The following ZBTB46 variants were observed in gnomAD, a reference collection of about 807,000 sequenced individuals.
ZBTB46 encodes the protein zinc finger and BTB domain containing 46.
In ZBTB46, 8 loss-of-function variants were observed where a neutral mutation model predicts 44.1. The ratio of observed to expected loss-of-function variants is 0.18; its 90% confidence interval spans 0.11 to 0.33. ZBTB46 has a LOEUF of 0.33. ZBTB46 is among the 10% of genes least tolerant of loss of function. The pLI is 1.00. For synonymous variants in ZBTB46, 409 were observed against 382.3 expected (o/e 1.07, Z -0.81); for missense variants, 651 against 847.7 (o/e 0.77, Z 2.88).
At chr20:63,812,405 A>C (rs991109417) in intron 1 of ZBTB46, among the ~76,000 whole-genome samples, 1 of 152,128 alleles carries the variant, frequency 6.6e-6, no homozygotes, top group Non-Finnish European at 1.5e-5. Flanking sequence ...GCACTTTGGG[A>C]GGCGGAGGCG....
chr20:63,752,978 A>C lies in ZBTB46; in HGVS notation c.1223-117T>G. The C allele has an allele frequency of 8.7e-7, 1 of 1,152,962 alleles. No individual in the cohort carries two copies. The highest frequency in any genetic ancestry group is 1.2e-6 in the Non-Finnish European group (1 of 835,860). 71.4% of individuals were successfully genotyped at this position (1,152,962 alleles called of 1,614,324 possible). Reference sequence around the variant, plus strand: ...CCAGGACGGGCTGTCTCCCACGGCCACCCACTGGGGGCTGGTCAGCACTGC... The same window carrying C: ...CCAGGACGGGCTGTCTCCCACGGCCCCCCACTGGGGGCTGGTCAGCACTGC... On this transcript the variant is annotated intron_variant, in intron 3 of 4. Coordinates refer to ENST00000245663, the MANE Select transcript of ZBTB46 (RefSeq NM_001369741.1). This position sits in a 1 kb window ranked among gnomAD's most constrained non-coding sequence, Gnocchi z 5.6.
At chr20:63,812,959 G>A (rs1365399947) in intron 1 of ZBTB46, among the ~76,000 whole-genome samples, 3 of 152,140 alleles carry the variant, frequency 2.0e-5, no homozygotes, top group Admixed American at 6.5e-5. Context: ...TTAGCTGGGT[G>A]TGATGGCGCG....
intron 1 of ZBTB46, among the ~76,000 whole-genome samples, chr20:63,809,793 C>A (rs1441539684): frequency 6.6e-6 from 1 of 151,938 alleles, no homozygotes; most frequent in Non-Finnish European, 1.5e-5. Flanking sequence ...GAGACCCCAT[C>A]TCTACAAAAA....
At chr20:63,828,728 G>C (rs2092832698) in intron 1 of ZBTB46, among the ~76,000 whole-genome samples, 1 of 152,262 alleles carries the variant, frequency 6.6e-6, no homozygotes, top group Non-Finnish European at 1.5e-5. Context: ...AGGACTTCTA[G>C]ACCTTTCCTC....
chr20:63,764,179 G>A (rs2092299678), intron 3 of ZBTB46, among the ~76,000 whole-genome samples: 1 of 152,134 alleles, frequency 6.6e-6, no homozygotes, highest in African/African-American at 2.4e-5. Flanking sequence ...GCTCATGCCT[G>A]TGATCCCAGC....
intron 3 of ZBTB46, among the ~76,000 whole-genome samples, chr20:63,772,722 A>AACACACAC (rs67126549): frequency 0.024 from 488 of 20,232 alleles, 2 homozygotes; most frequent in Non-Finnish European, 0.032. Context: ...CTGTCTCAAA[A>AACACACAC]ACACACACAC....
At position 63,752,723 on chromosome 20, in the gene ZBTB46, T is replaced by G; in HGVS notation, c.1361A>C (p.Lys454Thr). The G allele has an allele frequency of 1.9e-6, 3 of 1,606,796 alleles. No homozygotes were observed. The highest frequency in any genetic ancestry group is 2.6e-6 in the Non-Finnish European group (3 of 1,176,320). Residue 454 changes from lysine to threonine, a missense_variant, in exon 4 of 5, where the codon AAG (lysine) becomes ACG (threonine). Lys to Thr is a moderately conservative substitution (Grantham distance 78). This residue lies in a region of ZBTB46 where 20 missense variants were observed against 67.7 expected (regional missense o/e 0.30). Coordinates refer to ENST00000245663, the MANE Select transcript of ZBTB46 (RefSeq NM_001369741.1). This position sits in a 1 kb window ranked among gnomAD's most constrained non-coding sequence, Gnocchi z 5.6. ...RPYPCEICGKKFTRREHMKRH... is the reference protein window; with the variant it reads ...RPYPCEICGKTFTRREHMKRH... ...CTTCATGTGCTCGCGCCGCGTGAAC[T>G]TCTTCCCGCAGATCTCGCAGGGGTA... is the stretch of plus-strand genomic sequence containing the variant.
At chr20:63,816,063 G>A (rs4991876) in intron 1 of ZBTB46, among the ~76,000 whole-genome samples, 23,213 of 138,168 alleles carry the variant, frequency 0.17, 2,460 homozygotes, top group East Asian at 0.44. Context: ...TGCGGTGGGC[G>A]CAGGTGCAGT....
intron 2 of ZBTB46, among the ~76,000 whole-genome samples, chr20:63,781,356 A>C (rs148555333): frequency 1.1e-4 from 17 of 152,292 alleles, no homozygotes; most frequent in African/African-American, 3.9e-4. Flanking sequence ...CCGCCAGCTG[A>C]GCCACGACAC....
chr20:63,786,742 C>G (rs1162159761), intron 2 of ZBTB46, among the ~76,000 whole-genome samples: 8 of 152,148 alleles, frequency 5.3e-5, no homozygotes, highest in African/African-American at 1.9e-4. Context: ...GATCTCCTGA[C>G]CTTGTGATCC....
intron 3 of ZBTB46, among the ~76,000 whole-genome samples, chr20:63,763,432 A>T (rs1403689008): frequency 6.6e-6 from 1 of 152,210 alleles, no homozygotes; most frequent in Non-Finnish European, 1.5e-5. Flanking sequence ...GCATGGTGGC[A>T]TCAGCTTCTG....
intron 1 of ZBTB46, among the ~76,000 whole-genome samples, chr20:63,822,534 C>G (rs2092798004): frequency 6.6e-6 from 1 of 152,172 alleles, no homozygotes; most frequent in Non-Finnish European, 1.5e-5. Context: ...CAGTCCTACA[C>G]CAGACTGACA....
intron 1 of ZBTB46, among the ~76,000 whole-genome samples, chr20:63,806,756 C>T (rs2092684048): frequency 6.6e-6 from 1 of 151,858 alleles, no homozygotes; most frequent in South Asian, 2.1e-4. Context: ...CTACAGGCGC[C>T]CACCACCACG....
intron 1 of ZBTB46, among the ~76,000 whole-genome samples, chr20:63,796,404 A>T (rs1214238715): frequency 1.3e-5 from 2 of 152,218 alleles, no homozygotes; most frequent in Non-Finnish European, 2.9e-5. Context: ...CAAACCACTC[A>T]GCGGGCAAGA....
In ZBTB46 at chr20:63,746,905, C is replaced by T. The variant is rs963548614; in HGVS notation, c.*25G>A. ...CACACGGGTGGACGGAGCGAGGCAG[C>T]CACCGACCCTGCCGGCGGGCGGGCC... On this transcript the variant is annotated 3_prime_UTR_variant, in exon 5 of 5. Transcript: ENST00000245663. 4 of 1,500,818 alleles carry T rather than the reference C, an allele frequency of 2.7e-6. No individual in the cohort carries two copies. In the African/African-American group the frequency reaches 4.1e-5, roughly 16 times the overall value. 93.0% of individuals were successfully genotyped at this position (1,500,818 alleles called of 1,614,324 possible).
chr20:63,772,446 G>A (rs1048310601), intron 3 of ZBTB46, among the ~76,000 whole-genome samples: 1 of 152,148 alleles, frequency 6.6e-6, no homozygotes, highest in African/African-American at 2.4e-5. Context: ...GGGCCAGGCG[G>A]GATGGCTCAC....
intron 1 of ZBTB46, among the ~76,000 whole-genome samples, chr20:63,823,889 T>TGTGTGTG (rs1568910610): frequency 4.6e-5 from 7 of 150,644 alleles, no homozygotes; most frequent in East Asian, 3.9e-4. Flanking sequence ...TGTGTGTGTG[T>TGTGTGTG]TCTTTGGGAC....
rs139082214 is a variant in ZBTB46, at chr20:63,790,338, C to T, written c.420G>A (p.Glu140=). Residue 140 remains glutamate, a synonymous_variant, in exon 2 of 5, where the codon GAG becomes GAA. Transcript: ENST00000245663. ...AGGCGCCGATCTCGAACTCCGCAAG[C>T]TCATCTGAGGCGTCCGACTTGATGC... The part of the protein sequence containing the change: ...DISIKSDASD[E]LAEFEIGASS... The T allele has an allele frequency of 9.3e-6, 15 of 1,613,156 alleles. No individual in the cohort carries two copies. The African/African-American group carries it at 1.7e-4, about 19-fold the overall frequency.
At chr20:63,758,245 T>C (rs1343976255) in intron 3 of ZBTB46, among the ~76,000 whole-genome samples, 1 of 143,488 alleles carries the variant, frequency 7.0e-6, no homozygotes, top group Admixed American at 7.1e-5. Context: ...GTTCTCACAC[T>C]ACAGCCAGTA....
Sources: allele counts gnomAD v4.1 joint callset (sites outside exome capture counted in the v4.1 genomes callset), GRCh38; gene constraint gnomAD v4.1.1; regional missense constraint gnomAD v4.1.1; non-coding constraint Gnocchi (gnomAD v3.1); transcripts MANE v1.5; gene names NCBI Gene and HGNC (gene_info 2026-07-23, HGNC 2026-07-21).